TRDN: variants seen among roughly 807,000 people sequenced by gnomAD.
TRDN encodes the protein triadin, also known as triadin in skeletal muscle.
Under a neutral mutation model 149.7 loss-of-function variants are expected in TRDN, and 161 were observed. That is an observed-to-expected ratio of 1.08 (90% confidence interval 0.95 to 1.23). The LOEUF (loss-of-function observed/expected upper bound fraction) is 1.23. Among genes scored for constraint, TRDN ranks in the 50% most tolerant of loss-of-function variants. TRDN has a pLI of 0.00. For missense variants in TRDN, 896 were observed against 823.5 expected (o/e 1.09, Z -1.08); for synonymous variants, 294 against 250.5 (o/e 1.17, Z -1.64).
intron 19 of TRDN, among the ~76,000 whole-genome samples, chr6:123,375,057 T>G (rs934801818): frequency 6.6e-6 from 1 of 152,208 alleles, no homozygotes; most frequent in Non-Finnish European, 1.5e-5. Flanking sequence ...ATCAACAATT[T>G]CTCAGCATTT....
chr6:123,294,595 T>G (rs2114657108), intron 24 of TRDN, among the ~76,000 whole-genome samples: 1 of 152,252 alleles, frequency 6.6e-6, no homozygotes, highest in South Asian at 2.1e-4. Flanking sequence ...AACAATAGGG[T>G]TTGCACTCAT....
At chr6:123,332,765 T>C (rs1315406282) in intron 22 of TRDN, among the ~76,000 whole-genome samples, 1 of 152,036 alleles carries the variant, frequency 6.6e-6, no homozygotes, top group Non-Finnish European at 1.5e-5. Context: ...CCCACCATAT[T>C]ATTTGGGTGA....
chr6:123,341,039 A>T (rs948319449), intron 21 of TRDN, among the ~76,000 whole-genome samples: 4 of 151,848 alleles, frequency 2.6e-5, no homozygotes, highest in Non-Finnish European at 4.4e-5. Flanking sequence ...GGATATTTTT[A>T]AAAATATATT....
At chr6:123,430,847 T>C (rs1774310454) in intron 12 of TRDN, among the ~76,000 whole-genome samples, 1 of 152,148 alleles carries the variant, frequency 6.6e-6, no homozygotes, top group Non-Finnish European at 1.5e-5. Context: ...TTTTGTATTG[T>C]TCAAACCAAA....
At chr6:123,503,192 A>G (rs1778772271) in intron 8 of TRDN, 2 of 984,710 alleles carry the variant, frequency 2.0e-6, no homozygotes, top group African/African-American at 1.7e-5. Context: ...TGTCTTCTCT[A>G]TAACATCTTG....
At chr6:123,531,140 G>A (rs987727202) in intron 4 of TRDN, among the ~76,000 whole-genome samples, 9 of 151,858 alleles carry the variant, frequency 5.9e-5, no homozygotes, top group African/African-American at 1.9e-4. Flanking sequence ...TCAGGTTTTA[G>A]CAAATATATT....
chr6:123,501,433 G>C (rs1471894619), intron 8 of TRDN, among the ~76,000 whole-genome samples: 1 of 148,586 alleles, frequency 6.7e-6, no homozygotes, highest in Non-Finnish European at 1.5e-5. Flanking sequence ...ACTCAACTAA[G>C]TCATCATATA....
intron 19 of TRDN, among the ~76,000 whole-genome samples, chr6:123,369,948 T>A (rs1781259257): frequency 6.6e-6 from 1 of 152,160 alleles, no homozygotes; most frequent in African/African-American, 2.4e-5. Flanking sequence ...TTCAATTCTA[T>A]ATGACATTTT....
At chr6:123,357,052 A>G (rs2114320060) in intron 20 of TRDN, among the ~76,000 whole-genome samples, 1 of 151,738 alleles carries the variant, frequency 6.6e-6, no homozygotes, top group East Asian at 1.9e-4. Flanking sequence ...TTGACTTCTT[A>G]GCTATCTTTT....
At chr6:123,456,467 C>A (rs1181937631) in intron 10 of TRDN, among the ~76,000 whole-genome samples, 1 of 149,114 alleles carries the variant, frequency 6.7e-6, no homozygotes, top group Non-Finnish European at 1.5e-5. Context: ...TTGAAGCAGG[C>A]ATTTTTTTTT....
intron 1 of TRDN, among the ~76,000 whole-genome samples, chr6:123,619,936 G>A (rs1277641835): frequency 6.6e-6 from 1 of 152,102 alleles, no homozygotes; most frequent in East Asian, 1.9e-4. Context: ...GTGTGCACAT[G>A]TTGGGCTCTT....
Position 123,576,106 on chromosome 6 carries a change from T to C in TRDN, c.23-4974A>G, listed in dbSNP as rs530370424. Among the ~76,000 whole-genome samples, 15 of 152,272 alleles carry C rather than the reference T, an allele frequency of 9.9e-5. No individual in the cohort carries two copies. In the East Asian group the frequency reaches 2.7e-3, roughly 27 times the overall value. On this transcript the variant is annotated intron_variant, in intron 1 of 40. Transcript: ENST00000334268. ...TATACTACTGATGGCATTATATGTG[T>C]TATTCCCAAATTACTTTAAGAACAT...
At chr6:123,499,485 T>C (rs9401674) in intron 8 of TRDN, among the ~76,000 whole-genome samples, 124,587 of 150,394 alleles carry the variant, frequency 0.83, 51,818 homozygotes, top group East Asian at 0.88. Context: ...GGGAGGATCA[T>C]TTGAGGTCAG....
At chr6:123,452,254 A>G (rs1431468281) in intron 10 of TRDN, among the ~76,000 whole-genome samples, 2 of 152,184 alleles carry the variant, frequency 1.3e-5, no homozygotes, top group East Asian at 3.8e-4. Flanking sequence ...CAGAGCAATT[A>G]GACAAGAGAA....
At chr6:123,460,978 A>G (rs1776414070) in intron 10 of TRDN, among the ~76,000 whole-genome samples, 1 of 152,142 alleles carries the variant, frequency 6.6e-6, no homozygotes, top group Non-Finnish European at 1.5e-5. Context: ...AATGCTTCAT[A>G]GTATTATCCA....
At chr6:123,388,393 C>A in intron 14 of TRDN, 129 bp downstream of exon 14, 2 of 1,062,324 alleles carry the variant, frequency 1.9e-6, no homozygotes, top group Admixed American at 2.1e-5. Context: ...CACATTCATG[C>A]AAAATGTATG....
chr6:123,528,990 ACT>A, intron 5 of TRDN: 3 of 1,278,442 alleles, frequency 2.3e-6, no homozygotes, highest in Non-Finnish European at 2.0e-6. Flanking sequence ...AGCCAAATTC[ACT>A]GTCTTAATTA....
At chr6:123,291,678 G>A (rs1457694570) in intron 24 of TRDN, among the ~76,000 whole-genome samples, 1 of 152,136 alleles carries the variant, frequency 6.6e-6, no homozygotes, top group African/African-American at 2.4e-5. Flanking sequence ...GGAACTTTGT[G>A]TAAAATTAAA....
intron 1 of TRDN, among the ~76,000 whole-genome samples, chr6:123,594,168 G>C (rs2114628252): frequency 6.6e-6 from 1 of 152,204 alleles, no homozygotes; most frequent in African/African-American, 2.4e-5. Context: ...TCAGAATTCA[G>C]AGTAACTACA....
Sources: allele counts gnomAD v4.1 joint callset (sites outside exome capture counted in the v4.1 genomes callset), GRCh38; gene constraint gnomAD v4.1.1; transcripts MANE v1.5; gene names NCBI Gene and HGNC (gene_info 2026-07-23, HGNC 2026-07-21).